CEP152: variants seen among roughly 807,000 people sequenced by gnomAD.
The protein encoded by CEP152 is centrosomal protein of 152 kDa.
CEP152 carries 132 observed loss-of-function variants against 188.9 expected under a neutral mutation model. The observed-to-expected ratio is 0.70, with a 90% CI of 0.61 to 0.81. CEP152 has a LOEUF of 0.81. Among genes scored for constraint, CEP152 ranks in the 30% least tolerant of loss-of-function variants. CEP152 has a pLI of 0.00. For missense variants in CEP152, 1,914 were observed against 1,969.8 expected (o/e 0.97, Z 0.54); for synonymous variants, 649 against 666.6 (o/e 0.97, Z 0.41).
rs549671804 is a variant in CEP152 at position 48,732,780 on chromosome 15, T to C, written c.142+8851A>G. ...CTTAATTTTTAAAACACATTTGTAA[T>C]AGCTGCTTTGTAGCTATTTTTAAAC... is the stretch of plus-strand genomic sequence containing the variant. On this transcript the variant is annotated intron_variant and NMD_transcript_variant, in intron 2 of 3. Transcript: ENST00000561245. Among the ~76,000 whole-genome samples, 3 of 152,226 alleles carry C rather than the reference T, an allele frequency of 2.0e-5. No individual in the cohort carries two copies. The East Asian group carries it at 5.8e-4, about 29-fold the overall frequency.
chr15:48,738,541 G>C lies in CEP152; in HGVS notation c.4841C>G (p.Ser1614Cys). The change falls in exon 27 of 27, where the codon TCC (serine) becomes TGC (cysteine). Residue 1614 changes from serine to cysteine, a missense_variant. Ser to Cys is a moderately radical substitution (Grantham distance 112). Transcript: ENST00000380950. The stretch of plus-strand genomic sequence containing the variant: ...TTCCTCTGTATCTGAAAGATAACCG[G>C]ATGGTGAAAACTGTTTGGATTTAAC... ...ESVKSKQFSP[S>C]GYLSDTEESN... 6.2e-7 allele frequency: 1 copy of C among 1,614,142 alleles called. No individual in the cohort carries two copies. Among genetic ancestry groups the C allele is most frequent in the Non-Finnish European group, 8.5e-7 (1 of 1,180,016 alleles).
chr15:48,737,159 T>C (rs1469950194), downstream of CEP152, among the ~76,000 whole-genome samples: 3 of 152,150 alleles, frequency 2.0e-5, no homozygotes, highest in Non-Finnish European at 4.4e-5. Flanking sequence ...CTTTTAGAGA[T>C]GGTTATCAGG....
intron 9 of CEP152, among the ~76,000 whole-genome samples, chr15:48,786,171 G>A (rs1198918659): frequency 6.6e-6 from 1 of 152,138 alleles, no homozygotes; most frequent in Non-Finnish European, 1.5e-5. Context: ...CAAGGAGACA[G>A]AAGGAAAAAA....
chr15:48,768,321 T>G lies in CEP152; in HGVS notation c.1916A>C (p.Lys639Thr), dbSNP rs754604417. ...QVLQQQNQEL[K>T]ETEGKLRNTN... The stretch of plus-strand genomic sequence containing the variant: ...ATTTCTCAGTTTTCCTTCAGTTTCT[T>G]TAAGTTCCTAGACACAAAAGAATAA... The change falls in exon 15 of 27, where the codon AAA (lysine) becomes ACA (threonine). Residue 639 changes from lysine (K) to threonine (T), a missense_variant. By Grantham distance (78) the Lys-to-Thr change is moderately conservative. Transcript: ENST00000380950. The G allele has an allele frequency of 1.3e-6, 2 of 1,558,858 alleles. No individual in the cohort carries two copies. Among genetic ancestry groups the G allele is most frequent in the Non-Finnish European group, 1.8e-6 (2 of 1,129,948 alleles).
chr15:48,757,850 A>G (rs949411742), intron 19 of CEP152, among the ~76,000 whole-genome samples: 3 of 152,224 alleles, frequency 2.0e-5, no homozygotes, highest in Admixed American at 1.3e-4. Flanking sequence ...TTTTTAGAGA[A>G]AACAGGTCAT....
intron 13 of CEP152, 81 bp downstream of exon 13, chr15:48,772,406 G>T: frequency 8.4e-7 from 1 of 1,195,084 alleles, no homozygotes; most frequent in Non-Finnish European, 1.2e-6. Flanking sequence ...GTGACGCCCT[G>T]TCTCAAAAAA....
At chr15:48,783,781 ATATATATATG>A in intron 10 of CEP152, 182 bp downstream of exon 10, 1 of 198,144 alleles carries the variant, frequency 5.0e-6, no homozygotes, top group Non-Finnish European at 9.5e-6. Flanking sequence ...GTATGTATAT[ATATATATATG>A]TATATATATA....
At chr15:48,754,897 C>T (rs994636411) in intron 20 of CEP152, among the ~76,000 whole-genome samples, 7 of 152,134 alleles carry the variant, frequency 4.6e-5, no homozygotes, top group Non-Finnish European at 8.8e-5. Context: ...GTTTATAACT[C>T]TCCCAAGTAG....
chr15:48,756,878 C>T (rs1021080930), intron 19 of CEP152, among the ~76,000 whole-genome samples: 2 of 151,972 alleles, frequency 1.3e-5, no homozygotes, highest in Non-Finnish European at 2.9e-5. Context: ...TATCTGTGCC[C>T]CCAACAAATT....
At chr15:48,782,050 T>C (rs367977301) in intron 11 of CEP152, 89 bp downstream of exon 11, 6 of 1,220,124 alleles carry the variant, frequency 4.9e-6, no homozygotes, top group African/African-American at 4.5e-5. Context: ...CCACCTCTAT[T>C]ATACAGAGAA....
At position 48,756,303 on chromosome 15, in the gene CEP152, A is replaced by G. The variant is rs1304760236; in HGVS notation, c.2945T>C (p.Phe982Ser). The G allele has an allele frequency of 1.1e-5, 18 of 1,575,708 alleles. No homozygotes were observed. The Admixed American group carries it at 2.8e-4, about 25-fold the overall frequency. ...QEQNEQDYRQ[F>S]LDDHRNKINE... ...AATTTTATTTCGGTGATCATCTAAA[A>G]ATTGCCGGTAATCTTGCTCATTTTG... Residue 982 changes from phenylalanine to serine, a missense_variant, in exon 20 of 27, where the codon TTT (phenylalanine) becomes TCT (serine). Transcript: ENST00000380950.
chr15:48,735,446 G>C (rs1262666703), downstream of CEP152, among the ~76,000 whole-genome samples: 1 of 152,068 alleles, frequency 6.6e-6, no homozygotes, highest in Non-Finnish European at 1.5e-5. Context: ...TTTAAGAATC[G>C]ATGAAGGGCC....
chr15:48,798,083 C>A (rs1412885507), intron 2 of CEP152, 32 bp from the exon 3 acceptor site: 4 of 1,567,192 alleles, frequency 2.6e-6, no homozygotes, highest in African/African-American at 1.4e-5. Flanking sequence ...AATATCATAC[C>A]AACTTAAACA....
Position 48,756,564 on chromosome 15 carries a change from TAAC to T in CEP152, c.2695-14_2695-12del. On this transcript the variant is annotated splice_polypyrimidine_tract_variant and intron_variant, in intron 19 of 26. Coordinates refer to ENST00000380950, the MANE Select transcript of CEP152 (RefSeq NM_001194998.2). The stretch of plus-strand genomic sequence containing the variant: ...AACAGCAAATGATATCTAAAGAACA[TAAC>T]AACATGCATTTTGAAAGTCTTTATG... 1 of 1,602,132 alleles carries T rather than the reference TAAC, an allele frequency of 6.2e-7. No individual in the cohort carries two copies. Among genetic ancestry groups the T allele is most frequent in the Non-Finnish European group, 8.5e-7 (1 of 1,179,404 alleles).
intron 21 of CEP152, among the ~76,000 whole-genome samples, chr15:48,751,844 GTC>G (rs1395834370): frequency 6.6e-6 from 1 of 152,142 alleles, no homozygotes; most frequent in Non-Finnish European, 1.5e-5. Context: ...ATGATGAAGA[GTC>G]TAAGTCATTA....
Position 48,805,542 on chromosome 15 carries a change from T to C in CEP152, c.87+21A>G, listed in dbSNP as rs763630107. The C allele has an allele frequency of 1.8e-4, 286 of 1,586,692 alleles. 1 individual carries two copies. In the Middle Eastern group the frequency reaches 1.9e-3, roughly 10 times the overall value. ...AGATTGGGTTTAGTGTCTCTTTTTT[T>C]TTTTTTTTTTAACAACTTACCTCTT... On this transcript the variant is annotated intron_variant, in intron 2 of 26. Transcript: ENST00000380950.
rs776311356 is a variant in CEP152 at position 48,782,238 on chromosome 15, G to A, written c.1322-8C>T. ...CCACCTCTTGTACTGACCCTGCAGA[G>A]GAAAGAACCATAGGATATACTGAAA... On this transcript the variant is annotated splice_polypyrimidine_tract_variant and splice_region_variant and intron_variant, in intron 10 of 26. Transcript: ENST00000380950. The A allele has an allele frequency of 4.3e-6, 7 of 1,613,136 alleles. No homozygotes were observed. In the Admixed American group the frequency reaches 1.0e-4, roughly 23 times the overall value.
Position 48,744,978 on chromosome 15 carries a change from CT to C in CEP152, c.3648del (p.Val1217LeufsTer5), listed in dbSNP as rs1215830101. On this transcript the variant is annotated frameshift_variant, in exon 23 of 27. Transcript: ENST00000380950. LOFTEE classifies it high-confidence loss of function. ...TTTTCTTCTATTAATTCTTCAACAA[CT>C]TTATTATTCTCTTCTATAACAGAAA... ...VVEKIGEENNKVVEELIEENN... is the reference protein window; with the variant it reads ...VVEKIGEENNXVVEELIEENN... The C allele has an allele frequency of 6.2e-7, 1 of 1,602,406 alleles. No homozygotes were observed. Among genetic ancestry groups the C allele is most frequent in the East Asian group, 2.2e-5 (1 of 44,620 alleles).
rs549998418 is a variant in CEP152 at position 48,732,285 on chromosome 15, A to G, written c.142+9346T>C. ...ATAGCAAAGACATGGAACCAACTCA[A>G]ATGCCCATTAATGATAGACTAGATA... On this transcript the variant is annotated intron_variant and NMD_transcript_variant, in intron 2 of 3. Coordinates refer to the CEP152 transcript ENST00000561245. Among the ~76,000 whole-genome samples, 4 of 152,354 alleles carry G rather than the reference A, an allele frequency of 2.6e-5. No individual in the cohort carries two copies. The East Asian group carries it at 7.7e-4, about 29-fold the overall frequency.
Sources: gnomAD v4.1 joint callset for allele counts (sites outside exome capture counted in the v4.1 genomes callset) on GRCh38, gnomAD v4.1.1 for gene constraint, MANE v1.5 for transcripts, NCBI Gene and HGNC (gene_info 2026-07-23, HGNC 2026-07-21) for gene names.